Variants in DPP10 observed in about 807,000 individuals in gnomAD.
The protein encoded by DPP10 is dipeptidyl peptidase like 10, also known as inactive dipeptidyl peptidase 10.
Under a neutral mutation model 120.9 loss-of-function variants are expected in DPP10, and 33 were observed. The ratio of observed to expected loss-of-function variants is 0.27; its 90% CI spans 0.21 to 0.37. The LOEUF (loss-of-function observed/expected upper bound fraction) is 0.37. Among genes scored for constraint, DPP10 ranks in the 10% least tolerant of loss-of-function variants. The pLI is 1.00. For missense variants in DPP10, 816 were observed against 942.8 expected (o/e 0.87, Z 1.76); for synonymous variants, 337 against 326.1 (o/e 1.03, Z -0.36).
chr2:114,897,260 T>C (rs1465337248), intron 1 of DPP10, among the ~76,000 whole-genome samples: 1 of 152,200 alleles, frequency 6.6e-6, no homozygotes, highest in Non-Finnish European at 1.5e-5. Context: ...TAAAATGAGT[T>C]AGGGAGGATT....
rs141974828 is a variant in DPP10, at chr2:114,720,085, T to A, written c.60+277247T>A. Among the ~76,000 whole-genome samples the A allele has an allele frequency of 4.6e-3, 693 of 152,240 alleles. 4 individuals are homozygous for A. Among genetic ancestry groups the A allele is most frequent in the African/African-American group, 0.016 (669 of 41,544 alleles). ...TTTGTTTTGTTTTGTTTTTGGTAGG[T>A]TCAGACTTTACACAGATAAGGGAAC... On this transcript the variant is annotated intron_variant, in intron 1 of 25. Transcript: ENST00000410059.
chr2:114,575,607 A>G (rs1453507744), intron 1 of DPP10, among the ~76,000 whole-genome samples: 1 of 152,204 alleles, frequency 6.6e-6, no homozygotes, highest in Admixed American at 6.5e-5. Flanking sequence ...TACATTTAAA[A>G]ACAAAGAGAA....
At chr2:115,451,915 T>C (rs1361527295) in intron 3 of DPP10, among the ~76,000 whole-genome samples, 1 of 150,910 alleles carries the variant, frequency 6.6e-6, no homozygotes, top group East Asian at 1.9e-4. Context: ...TGTCTGTGTA[T>C]CTGTGTTTAT....
intron 11 of DPP10, among the ~76,000 whole-genome samples, chr2:115,755,454 A>T (rs1486404770): frequency 6.6e-6 from 1 of 152,066 alleles, no homozygotes; most frequent in Admixed American, 6.6e-5. Context: ...GGAAAACTGG[A>T]TGTCAATGTG....
intron 1 of DPP10, among the ~76,000 whole-genome samples, chr2:115,024,113 T>C (rs199872411): frequency 6.6e-6 from 1 of 152,002 alleles, no homozygotes; most frequent in Admixed American, 6.6e-5. Flanking sequence ...CTAAGGAACT[T>C]ATTCAGGTAA....
At chr2:115,370,882 C>G (rs907221645) in intron 3 of DPP10, among the ~76,000 whole-genome samples, 3 of 152,048 alleles carry the variant, frequency 2.0e-5, no homozygotes, top group Non-Finnish European at 4.4e-5. Context: ...CCAGAACTAA[C>G]TCAGAGAATC....
At position 114,682,388 on chromosome 2, in the gene DPP10, G is replaced by C. The variant is rs541727642; in HGVS notation, c.60+239550G>C. ...GGCTCATTCAACCCTGAGATTCTGT[G>C]ATTGCATGATATTCTAGTTTACCTT... On this transcript the variant is annotated intron_variant, in intron 1 of 25. Transcript: ENST00000410059. Among the ~76,000 whole-genome samples, 4 of 151,992 alleles carry C rather than the reference G, an allele frequency of 2.6e-5. No homozygotes were observed. The South Asian group carries it at 8.3e-4, about 31-fold the overall frequency.
chr2:115,203,139 C>G (rs1039148944), intron 1 of DPP10, among the ~76,000 whole-genome samples: 5 of 152,104 alleles, frequency 3.3e-5, no homozygotes, highest in Non-Finnish European at 7.4e-5. Flanking sequence ...ATAAGACCTG[C>G]TTACCAGCTT....
In DPP10 at chr2:115,838,848, C is replaced by T. The variant is rs148349445; in HGVS notation, c.2183-1902C>T. On this transcript the variant is annotated intron_variant, in intron 24 of 25. Coordinates refer to ENST00000410059, the MANE Select transcript of DPP10 (RefSeq NM_020868.6). ...CACATACCACACAACCCATACGGGC[C>T]TGGTGAATTATAGGTGCTCAGTCAT... 5.5e-3 allele frequency among the ~76,000 whole-genome samples: 833 copies of T among 152,238 alleles called. 11 individuals carry two copies. The highest frequency in any genetic ancestry group is 0.019 in the African/African-American group (803 of 41,540).
At chr2:114,503,030 T>G (rs1683333044) in intron 1 of DPP10, among the ~76,000 whole-genome samples, 1 of 152,150 alleles carries the variant, frequency 6.6e-6, no homozygotes. Flanking sequence ...AAAGGGCCCA[T>G]GGAGGGCTAT....
chr2:115,052,484 G>A (rs1296244625), intron 1 of DPP10, among the ~76,000 whole-genome samples: 1 of 152,114 alleles, frequency 6.6e-6, no homozygotes, highest in African/African-American at 2.4e-5. Context: ...ACACCGATAA[G>A]ATAAACAACA....
At chr2:115,538,123 A>G (rs1332202555) in intron 5 of DPP10, among the ~76,000 whole-genome samples, 1 of 152,046 alleles carries the variant, frequency 6.6e-6, no homozygotes, top group Non-Finnish European at 1.5e-5. Flanking sequence ...GAAGGAAGCA[A>G]TGAGGCCATG....
chr2:115,431,879 A>G (rs1204882019), intron 3 of DPP10, among the ~76,000 whole-genome samples: 3 of 152,108 alleles, frequency 2.0e-5, no homozygotes, highest in Non-Finnish European at 2.9e-5. Flanking sequence ...AGTGTTCTGA[A>G]TCTTCATTTC....
chr2:114,702,230 C>T (rs1423807926), intron 1 of DPP10, among the ~76,000 whole-genome samples: 3 of 152,104 alleles, frequency 2.0e-5, no homozygotes, highest in Non-Finnish European at 4.4e-5. Flanking sequence ...TTGCATGAGT[C>T]TACCATCACT....
intron 1 of DPP10, among the ~76,000 whole-genome samples, chr2:114,884,622 T>C (rs1021147602): frequency 2.0e-5 from 3 of 152,172 alleles, no homozygotes; most frequent in Admixed American, 1.3e-4. Context: ...AATATGTTCT[T>C]TAATGGTGAT....
At position 115,762,622 on chromosome 2, in the gene DPP10, G is replaced by A. The variant is rs367556284; in HGVS notation, c.1113+12G>A. 286 of 1,612,734 alleles carry A rather than the reference G, an allele frequency of 1.8e-4. 1 individual carries two copies. Among genetic ancestry groups the A allele is most frequent in the Non-Finnish European group, 2.4e-4 (280 of 1,179,838 alleles). ...GGCTCTCTCAGCAGGTACAGTATAG[G>A]TGGTCTGTCACATCTTGGCCATTGT... On this transcript the variant is annotated intron_variant, in intron 12 of 25. Transcript: ENST00000410059.
At chr2:115,067,912 T>A (rs1236853510) in intron 1 of DPP10, among the ~76,000 whole-genome samples, 2 of 140,698 alleles carry the variant, frequency 1.4e-5, no homozygotes, top group Non-Finnish European at 3.1e-5. Flanking sequence ...TGTGTGGGTG[T>A]GTGGGGGTGT....
intron 1 of DPP10, among the ~76,000 whole-genome samples, chr2:114,696,228 G>T (rs573069309): frequency 6.6e-6 from 1 of 152,082 alleles, no homozygotes; most frequent in South Asian, 2.1e-4. Context: ...TCTCTGCCAA[G>T]TTCATTATCT....
intron 1 of DPP10, among the ~76,000 whole-genome samples, chr2:115,294,075 G>A (rs2060777491): frequency 6.6e-6 from 1 of 152,070 alleles, no homozygotes; most frequent in Admixed American, 6.6e-5. Flanking sequence ...ATTGATTAAA[G>A]ATCTAGTCTT....
Sources: gnomAD v4.1 joint callset for allele counts (sites outside exome capture counted in the v4.1 genomes callset) on GRCh38, gnomAD v4.1.1 for gene constraint, MANE v1.5 for transcripts, NCBI Gene and HGNC (gene_info 2026-07-23, HGNC 2026-07-21) for gene names.